The following RBFOX1 variants were observed in gnomAD, a reference collection of about 807,000 sequenced individuals.
RBFOX1 encodes the protein RNA binding fox-1 homolog 1.
A neutral mutation model predicts 57.7 loss-of-function variants in RBFOX1; 8 were observed. The observed-to-expected ratio is 0.14, with a 90% confidence interval of 0.08 to 0.25. The LOEUF is 0.25. RBFOX1 is among the 10% of genes least tolerant of loss of function. The probability of loss-of-function intolerance (pLI) is 1.00; values close to 1 mark genes in which losing one functional copy is unlikely to be tolerated. For missense variants in RBFOX1, 611 were observed against 548.5 expected (o/e 1.11, Z -1.14); for synonymous variants, 326 against 222.4 (o/e 1.47, Z -4.15).
chr16:6,516,255 C>G (rs1423781927), intron 2 of RBFOX1, among the ~76,000 whole-genome samples: 1 of 152,184 alleles, frequency 6.6e-6, no homozygotes, highest in Admixed American at 6.5e-5. Context: ...TCTCGAACTC[C>G]TGACCTCAGG....
At chr16:6,309,068 A>G (rs1238057693) in intron 1 of RBFOX1, among the ~76,000 whole-genome samples, 1 of 152,062 alleles carries the variant, frequency 6.6e-6, no homozygotes, top group Non-Finnish European at 1.5e-5. Flanking sequence ...TGAAATAATC[A>G]GGTCTCATGT....
intron 1 of RBFOX1, among the ~76,000 whole-genome samples, chr16:5,333,269 A>G (rs2064808003): frequency 6.6e-6 from 1 of 152,212 alleles, no homozygotes. Flanking sequence ...ATGGTCTGTG[A>G]TTTAAATTTG....
chr16:6,046,187 C>T (rs1400056847), intron 1 of RBFOX1, among the ~76,000 whole-genome samples: 1 of 152,188 alleles, frequency 6.6e-6, no homozygotes, highest in Non-Finnish European at 1.5e-5. Context: ...CACAGGGAAA[C>T]TGCTTAGTAA....
chr16:5,526,873 A>G (rs1051401639), intron 2 of RBFOX1, among the ~76,000 whole-genome samples: 2 of 152,152 alleles, frequency 1.3e-5, no homozygotes, highest in African/African-American at 4.8e-5. Flanking sequence ...ATGGGAATCT[A>G]CTGCTGGCTG....
chr16:6,924,937 G>T (rs1345237286), intron 3 of RBFOX1, among the ~76,000 whole-genome samples: 1 of 148,452 alleles, frequency 6.7e-6, no homozygotes, highest in Non-Finnish European at 1.5e-5. Context: ...AACATGCGGT[G>T]TTTGGTTTTT....
intron 2 of RBFOX1, among the ~76,000 whole-genome samples, chr16:6,537,928 A>G (rs1350959632): frequency 6.8e-6 from 1 of 148,070 alleles, no homozygotes; most frequent in Non-Finnish European, 1.5e-5. Flanking sequence ...AAAGAGCAAG[A>G]TTTTTTTTTT....
At chr16:5,303,407 G>A (rs893595247) in intron 1 of RBFOX1, among the ~76,000 whole-genome samples, 7 of 152,154 alleles carry the variant, frequency 4.6e-5, no homozygotes, top group South Asian at 2.1e-4. Flanking sequence ...TCAGTTCCAC[G>A]GTCAAGCTGT....
chr16:6,976,527 A>C (rs1015750369), intron 3 of RBFOX1, among the ~76,000 whole-genome samples: 7 of 152,176 alleles, frequency 4.6e-5, no homozygotes, highest in African/African-American at 1.7e-4. Flanking sequence ...GGGTGAGTCC[A>C]CGGTGCAAAC....
intron 3 of RBFOX1, among the ~76,000 whole-genome samples, chr16:6,909,154 A>T (rs912628406): frequency 1.3e-5 from 2 of 152,324 alleles, no homozygotes; most frequent in African/African-American, 2.4e-5. Context: ...AAACGTCAAC[A>T]GTGTTGCATT....
intron 1 of RBFOX1, among the ~76,000 whole-genome samples, chr16:6,106,200 T>C (rs1306527643): frequency 1.3e-5 from 2 of 152,142 alleles, no homozygotes; most frequent in Non-Finnish European, 2.9e-5. Flanking sequence ...CTCCTGCCTG[T>C]AATTCCAGCA....
At chr16:5,430,430 A>G (rs1018532668) in intron 1 of RBFOX1, among the ~76,000 whole-genome samples, 4 of 152,174 alleles carry the variant, frequency 2.6e-5, no homozygotes, top group African/African-American at 9.7e-5. Context: ...ATGGTGAGAC[A>G]GGGAGGGCAG....
intron 3 of RBFOX1, among the ~76,000 whole-genome samples, chr16:5,793,660 G>A (rs946696150): frequency 3.9e-5 from 6 of 152,208 alleles, no homozygotes; most frequent in Non-Finnish European, 7.3e-5. Flanking sequence ...GTACTTGCAG[G>A]GGATGCTGGA....
intron 4 of RBFOX1, among the ~76,000 whole-genome samples, chr16:7,456,600 G>T (rs1461488677): frequency 1.3e-5 from 2 of 152,172 alleles, no homozygotes; most frequent in African/African-American, 2.4e-5. Context: ...AGAGTTGCAG[G>T]CAAGGGGGTA....
intron 3 of RBFOX1, among the ~76,000 whole-genome samples, chr16:6,782,226 C>G (rs1356126639): frequency 6.6e-6 from 1 of 152,160 alleles, no homozygotes; most frequent in East Asian, 1.9e-4. Context: ...AGGGTGATCT[C>G]TGTCTCTTGA....
chr16:7,627,788 G>C (rs956587482), intron 10 of RBFOX1, among the ~76,000 whole-genome samples: 1 of 152,150 alleles, frequency 6.6e-6, no homozygotes, highest in African/African-American at 2.4e-5. Flanking sequence ...AGGTCACAAA[G>C]CACTAAGGGA....
chr16:6,952,404 T>C lies in RBFOX1; in HGVS notation c.-15-99653T>C, dbSNP rs144624560. Among the ~76,000 whole-genome samples, 266 of 152,232 alleles carry C rather than the reference T, an allele frequency of 1.7e-3. 2 individuals are homozygous for C. Among genetic ancestry groups the C allele is most frequent in the Admixed American group, 0.015 (233 of 15,296 alleles). ...GTTCACACCTGTAATCCCAGCACTT[T>C]GTGAGGCCAAGGCAGGAGGATTGCT... On this transcript the variant is annotated intron_variant, in intron 3 of 15. Transcript: ENST00000550418.
At chr16:7,661,748 T>A (rs1360456612) in intron 12 of RBFOX1, among the ~76,000 whole-genome samples, 1 of 152,164 alleles carries the variant, frequency 6.6e-6, no homozygotes, top group Non-Finnish European at 1.5e-5. Context: ...CACAGAGAAA[T>A]AGTATGTATT....
chr16:5,670,489 G>T (rs188323583), intron 3 of RBFOX1, among the ~76,000 whole-genome samples: 23 of 152,204 alleles, frequency 1.5e-4, no homozygotes, highest in African/African-American at 5.3e-4. Context: ...AGCTATGGAA[G>T]ATATGGGAAC....
chr16:6,345,642 A>G (rs1255732988), intron 2 of RBFOX1, among the ~76,000 whole-genome samples: 2 of 152,156 alleles, frequency 1.3e-5, no homozygotes, highest in Non-Finnish European at 2.9e-5. Context: ...AGGTGTGAGG[A>G]TGTGTTGGGA....
Sources: gnomAD v4.1 joint callset for allele counts (sites outside exome capture counted in the v4.1 genomes callset) on GRCh38, gnomAD v4.1.1 for gene constraint, MANE v1.5 for transcripts, NCBI Gene and HGNC (gene_info 2026-07-23, HGNC 2026-07-21) for gene names.